The following CYRIB variants were observed in gnomAD, a reference collection of about 807,000 sequenced individuals.
The protein encoded by CYRIB is CYFIP-related Rac1 interactor B.
In CYRIB, 8 loss-of-function variants were observed where a neutral mutation model predicts 44.2. The ratio of observed to expected loss-of-function variants is 0.18; its 90% CI spans 0.11 to 0.33. CYRIB has a LOEUF of 0.33. CYRIB is among the 10% of genes least tolerant of loss of function. The pLI, the probability that CYRIB is intolerant of heterozygous loss-of-function variation, is 1.00. For missense variants in CYRIB, 185 were observed against 382.8 expected (o/e 0.48, Z 4.31); for synonymous variants, 131 against 127.2 (o/e 1.03, Z -0.20).
chr8:130,015,667 A>C (rs920202674), intron 1 of CYRIB, among the ~76,000 whole-genome samples: 2 of 152,144 alleles, frequency 1.3e-5, no homozygotes, highest in African/African-American at 4.8e-5. Flanking sequence ...ACACGTTTCA[A>C]AGGACACACA....
At chr8:129,974,656 T>C (rs2095843498) in intron 1 of CYRIB, among the ~76,000 whole-genome samples, 1 of 151,484 alleles carries the variant, frequency 6.6e-6, no homozygotes, top group South Asian at 2.1e-4. Context: ...AATGTTTTGC[T>C]ATTTTAAAAT....
chr8:129,900,580 A>G (rs2135597370), intron 2 of CYRIB, among the ~76,000 whole-genome samples: 1 of 152,332 alleles, frequency 6.6e-6, no homozygotes, highest in South Asian at 2.1e-4. Context: ...TCTTGTTTTC[A>G]AAACACAATT....
At chr8:129,908,500 A>G (rs74999377) in intron 1 of CYRIB, among the ~76,000 whole-genome samples, 3,231 of 152,316 alleles carry the variant, frequency 0.021, 134 homozygotes, top group African/African-American at 0.073. Context: ...ACTTATTTAA[A>G]TTAGGTTATC....
intron 1 of CYRIB, among the ~76,000 whole-genome samples, chr8:130,001,320 C>A (rs952491395): frequency 2.0e-5 from 3 of 152,066 alleles, no homozygotes; most frequent in African/African-American, 7.2e-5. Flanking sequence ...CCTGGACGTC[C>A]AGGAGGCAGG....
At chr8:130,006,397 C>A (rs2097064457) in intron 1 of CYRIB, among the ~76,000 whole-genome samples, 1 of 149,982 alleles carries the variant, frequency 6.7e-6, no homozygotes, top group Non-Finnish European at 1.5e-5. Context: ...GGGAGGATCA[C>A]TTGAACCCAG....
rs1044859708 is a variant in CYRIB, at chr8:129,864,050, G to A, written c.196-1716C>T. On this transcript the variant is annotated intron_variant, in intron 4 of 11. Coordinates refer to ENST00000519824, the Ensembl canonical transcript of CYRIB. ...AGCAAAATAAAATTGAACCCAGACA[G>A]ATCTAACGGATGCTCTGAACAAATT... Among the ~76,000 whole-genome samples, 4 of 152,222 alleles carry A rather than the reference G, an allele frequency of 2.6e-5. No homozygotes were observed. The East Asian group carries it at 7.7e-4, about 29-fold the overall frequency.
At chr8:129,896,044 T>C (rs1473187412) in intron 2 of CYRIB, among the ~76,000 whole-genome samples, 4 of 152,244 alleles carry the variant, frequency 2.6e-5, no homozygotes, top group Non-Finnish European at 5.9e-5. Context: ...TTATAAACAA[T>C]ACAATGTGTC....
At chr8:129,867,707 A>C (rs1004118652) in intron 4 of CYRIB, among the ~76,000 whole-genome samples, 1 of 152,150 alleles carries the variant, frequency 6.6e-6, no homozygotes, top group Non-Finnish European at 1.5e-5. Flanking sequence ...TGCTGTTTAC[A>C]TGGATTGTCT....
chr8:129,935,848 T>C (rs541206301), intron 1 of CYRIB, among the ~76,000 whole-genome samples: 51 of 152,328 alleles, frequency 3.3e-4, no homozygotes, highest in Non-Finnish European at 8.8e-5. Flanking sequence ...CACAATATCT[T>C]TGAAAGTAGT....
chr8:130,014,674 A>G (rs1188788537), intron 1 of CYRIB, among the ~76,000 whole-genome samples: 1 of 152,112 alleles, frequency 6.6e-6, no homozygotes, highest in African/African-American at 2.4e-5. Context: ...GCAGAAACAT[A>G]TATTGGCCTT....
chr8:129,954,108 T>C (rs1039344696), intron 2 of CYRIB, among the ~76,000 whole-genome samples: 2 of 152,020 alleles, frequency 1.3e-5, no homozygotes, highest in Non-Finnish European at 2.9e-5. Context: ...CAAGTTGTAA[T>C]ACACAGAAGA....
Position 129,990,482 on chromosome 8 carries a change from ATG to A in CYRIB, c.-295-19489_-295-19488del, listed in dbSNP as rs969985442. 3.9e-3 allele frequency among the ~76,000 whole-genome samples: 576 copies of A among 146,020 alleles called. 8 individuals are homozygous for A. The highest frequency in any genetic ancestry group is 0.014 in the African/African-American group (541 of 38,724). On this transcript the variant is annotated intron_variant, in intron 1 of 14. Transcript: ENST00000401979. ...ATACGGTGTGTGTGTGTGTGCATGC[ATG>A]TGTGTGTGTATGCGTGTGTGTGTGT...
chr8:129,911,163 T>G (rs1162820049), intron 1 of CYRIB, among the ~76,000 whole-genome samples: 1 of 152,230 alleles, frequency 6.6e-6, no homozygotes, highest in Non-Finnish European at 1.5e-5. Context: ...TCAGCTGCCT[T>G]TTTCTAAGTA....
chr8:129,943,643 G>C (rs2093910063), upstream of CYRIB, among the ~76,000 whole-genome samples: 1 of 134,480 alleles, frequency 7.4e-6, no homozygotes, highest in Non-Finnish European at 1.6e-5. Flanking sequence ...CTGTGGCCCA[G>C]GCGGGAGTGC....
chr8:129,885,552 A>G (rs959806634), intron 2 of CYRIB, among the ~76,000 whole-genome samples: 1 of 152,156 alleles, frequency 6.6e-6, no homozygotes, highest in South Asian at 2.1e-4. Context: ...TCTTTGCTGT[A>G]GGGGACTGTC....
At position 129,862,209 on chromosome 8, in the gene CYRIB, T is replaced by C. The variant is rs753400091; in HGVS notation, c.301+20A>G. On this transcript the variant is annotated intron_variant, in intron 5 of 11. Coordinates refer to ENST00000519824, the Ensembl canonical transcript of CYRIB. Reference sequence around the variant, plus strand: ...ATCTTTTTCACTAGGGAAGTCACAATTACAAAACTTTCAACTTACCTAACC... The same window carrying C: ...ATCTTTTTCACTAGGGAAGTCACAACTACAAAACTTTCAACTTACCTAACC... 11 of 1,537,464 alleles carry C rather than the reference T, an allele frequency of 7.2e-6. No homozygotes were observed. Among genetic ancestry groups the C allele is most frequent in the South Asian group, 4.5e-5 (4 of 88,576 alleles).
chr8:129,884,274 T>G (rs532603811), intron 2 of CYRIB, among the ~76,000 whole-genome samples: 1 of 152,280 alleles, frequency 6.6e-6, no homozygotes, highest in East Asian at 1.9e-4. Flanking sequence ...ACATTTGATA[T>G]GAAAGATACC....
intron 4 of CYRIB, among the ~76,000 whole-genome samples, chr8:129,869,127 T>G (rs1024284485): frequency 6.6e-6 from 1 of 151,118 alleles, no homozygotes; most frequent in Non-Finnish European, 1.5e-5. Flanking sequence ...GGTTCACGCC[T>G]GTAATCCCAG....
At chr8:129,858,337 A>C (rs1416532944) in intron 5 of CYRIB, among the ~76,000 whole-genome samples, 1 of 152,232 alleles carries the variant, frequency 6.6e-6, no homozygotes, top group African/African-American at 2.4e-5. Context: ...TAGTCTATTA[A>C]GCCCTAAGTT....
Sources: allele counts gnomAD v4.1 joint callset (sites outside exome capture counted in the v4.1 genomes callset), GRCh38; gene constraint gnomAD v4.1.1; transcripts MANE v1.5; gene names NCBI Gene and HGNC (gene_info 2026-07-23, HGNC 2026-07-21).